PLA2G4E: variants seen among roughly 807,000 people sequenced by gnomAD.
PLA2G4E encodes the protein cytosolic phospholipase A2 epsilon.
A neutral mutation model predicts 109.1 loss-of-function variants in PLA2G4E; 84 were observed. The ratio of observed to expected loss-of-function variants is 0.77; its 90% CI spans 0.65 to 0.92. PLA2G4E has a LOEUF of 0.92. Among genes scored for constraint, PLA2G4E ranks in the 40% least tolerant of loss-of-function variants. The pLI is 0.00. For synonymous variants in PLA2G4E, 469 were observed against 436.1 expected, an observed-to-expected ratio of 1.08 and a Z score of -0.94; for missense variants, 1,057 against 1,076.6, an observed-to-expected ratio of 0.98 and a Z score of 0.25.
At chr15:41,987,515 G>C in intron 16 of PLA2G4E, 140 bp from the exon 17 acceptor site, 1 of 741,876 alleles carries the variant, frequency 1.3e-6, no homozygotes, top group South Asian at 1.8e-5. Context: ...GGGCTCTCAA[G>C]GTCCTGGCAC....
chr15:42,012,434 G>T (rs1414069627), intron 2 of PLA2G4E, among the ~76,000 whole-genome samples: 1 of 152,140 alleles, frequency 6.6e-6, no homozygotes, highest in Non-Finnish European at 1.5e-5. Context: ...ACCTCTTGTT[G>T]CAAAATGGGC....
intron 2 of PLA2G4E, among the ~76,000 whole-genome samples, chr15:42,012,929 G>A (rs910559573): frequency 1.3e-5 from 2 of 152,192 alleles, no homozygotes; most frequent in Admixed American, 1.3e-4. Flanking sequence ...CTTCCCCTCT[G>A]GATGGGGCCA....
At chr15:42,038,367 T>A (rs1472940843) in intron 1 of PLA2G4E, among the ~76,000 whole-genome samples, 1 of 152,218 alleles carries the variant, frequency 6.6e-6, no homozygotes, top group African/African-American at 2.4e-5. Flanking sequence ...ATAAAATAAT[T>A]ATACAACTCA....
At chr15:42,048,557 T>G (rs138397704) in intron 1 of PLA2G4E, among the ~76,000 whole-genome samples, 317 of 152,280 alleles carry the variant, frequency 2.1e-3, no homozygotes, top group African/African-American at 7.5e-3. Context: ...CAGGGGGCCA[T>G]GGGTACAGCC....
At chr15:42,013,629 C>A in intron 2 of PLA2G4E, 56 bp downstream of exon 2, 1 of 1,490,412 alleles carries the variant, frequency 6.7e-7, no homozygotes, top group Non-Finnish European at 9.1e-7. Flanking sequence ...CCAGCCAGGG[C>A]CTCTTCCATC....
At chr15:42,037,687 C>T (rs1168229936) in intron 1 of PLA2G4E, among the ~76,000 whole-genome samples, 1 of 152,226 alleles carries the variant, frequency 6.6e-6, no homozygotes, top group African/African-American at 2.4e-5. Flanking sequence ...AGAGCTGCGG[C>T]CCTTCAGGGA....
chr15:42,021,979 G>A (rs1162143665), intron 1 of PLA2G4E, among the ~76,000 whole-genome samples: 1 of 152,234 alleles, frequency 6.6e-6, no homozygotes, highest in East Asian at 1.9e-4. Flanking sequence ...AGAAAGTGGA[G>A]GGGCCTTAGC....
rs923565868 is a variant in PLA2G4E, at chr15:42,019,012, C to T, written c.184-5255G>A. The stretch of plus-strand genomic sequence containing the variant: ...TGCTCTTATCTAACCTTCCAACCAC[C>T]GCCAAGGAAGGCATCATTATCCCTG... On this transcript the variant is annotated intron_variant, in intron 1 of 19. Coordinates refer to ENST00000399518, the Ensembl canonical transcript of PLA2G4E. Among the ~76,000 whole-genome samples, 11 of 152,300 alleles carry T rather than the reference C, an allele frequency of 7.2e-5. No individual in the cohort carries two copies. The East Asian group carries it at 1.4e-3, about 19-fold the overall frequency.
intron 1 of PLA2G4E, among the ~76,000 whole-genome samples, chr15:42,023,739 C>T (rs1039166677): frequency 6.6e-6 from 1 of 152,152 alleles, no homozygotes; most frequent in African/African-American, 2.4e-5. Context: ...TCAAGGCCTC[C>T]TATTTGGCCT....
intron 1 of PLA2G4E, among the ~76,000 whole-genome samples, chr15:42,049,545 T>C (rs1315196377): frequency 2.0e-5 from 3 of 152,134 alleles, no homozygotes; most frequent in Admixed American, 6.5e-5. Context: ...GTTACCTGTG[T>C]GATGGATGCT....
At chr15:42,007,330 A>C (rs2068486901) in intron 3 of PLA2G4E, among the ~76,000 whole-genome samples, 1 of 152,238 alleles carries the variant, frequency 6.6e-6, no homozygotes, top group Non-Finnish European at 1.5e-5. Flanking sequence ...ATAAAGCAAT[A>C]TGAAAAGAAT....
At chr15:41,988,273 C>A in intron 15 of PLA2G4E, 117 bp from the exon 16 acceptor site, 3 of 709,076 alleles carry the variant, frequency 4.2e-6, no homozygotes, top group Non-Finnish European at 4.7e-6. Flanking sequence ...GCTCCACAGG[C>A]GGGACAGACT....
exon 11 of PLA2G4E, chr15:41,997,214 T>C (rs1289621620): frequency 1.3e-6 from 2 of 1,551,582 alleles, no homozygotes; most frequent in South Asian, 2.4e-5. Flanking sequence ...ACTCCAGCTC[T>C]GCTGGGCACA....
chr15:42,001,301 A>AC (rs2068417333), intron 6 of PLA2G4E, 81 bp from the exon 7 acceptor site: 1 of 1,288,836 alleles, frequency 7.8e-7, no homozygotes, highest in African/African-American at 1.5e-5. Context: ...GAGATGAGGG[A>AC]CCAGAGGATA....
chr15:41,998,871 G>A (rs2068381559), intron 10 of PLA2G4E: 2 of 152,186 alleles, frequency 1.3e-5, no homozygotes, highest in South Asian at 2.1e-4. Flanking sequence ...TGGCCAATAC[G>A]GTGAAACCCC....
At chr15:41,984,914 G>T (rs1376331535) in intron 18 of PLA2G4E, among the ~76,000 whole-genome samples, 1 of 152,236 alleles carries the variant, frequency 6.6e-6, no homozygotes, top group Non-Finnish European at 1.5e-5. Context: ...GCCTGGAAGG[G>T]CGACTGGAAC....
At chr15:42,018,887 T>A (rs1033629658) in intron 1 of PLA2G4E, among the ~76,000 whole-genome samples, 1 of 152,246 alleles carries the variant, frequency 6.6e-6, no homozygotes. Flanking sequence ...CCACTCCTAC[T>A]TTTATAGATA....
intron 1 of PLA2G4E, among the ~76,000 whole-genome samples, chr15:42,029,310 A>G (rs992816526): frequency 6.6e-6 from 1 of 152,040 alleles, no homozygotes; most frequent in African/African-American, 2.4e-5. Context: ...TGCCCAGGCC[A>G]GTCTCAAACA....
chr15:42,047,253 T>C (rs1004308608), intron 1 of PLA2G4E, among the ~76,000 whole-genome samples: 1 of 152,204 alleles, frequency 6.6e-6, no homozygotes, highest in Admixed American at 6.5e-5. Flanking sequence ...ATAATGGGTG[T>C]GACCCACAGC....
Sources: allele counts gnomAD v4.1 joint callset (sites outside exome capture counted in the v4.1 genomes callset), GRCh38; gene constraint gnomAD v4.1.1; transcripts MANE v1.5; gene names NCBI Gene and HGNC (gene_info 2026-07-23, HGNC 2026-07-21).